Variants in RABGAP1L observed in about 807,000 individuals in gnomAD.
RABGAP1L encodes rab GTPase-activating protein 1-like.
RABGAP1L carries 63 observed loss-of-function variants against 137.7 expected under a neutral mutation model. That is an observed-to-expected ratio of 0.46 (90% CI 0.37 to 0.56). The LOEUF is 0.56. Among genes scored for constraint, RABGAP1L ranks in the 20% least tolerant of loss-of-function variants. RABGAP1L has a pLI of 0.00. For synonymous variants in RABGAP1L, 431 were observed against 433.7 expected (o/e 0.99, Z 0.08); for missense variants, 1,095 against 1,244.0 (o/e 0.88, Z 1.80).
chr1:174,959,512 GTACT>G (rs1409727687), intron 20 of RABGAP1L, among the ~76,000 whole-genome samples: 1 of 152,148 alleles, frequency 6.6e-6, no homozygotes, highest in African/African-American at 2.4e-5. Flanking sequence ...TATTTTTAAA[GTACT>G]TATAACATGT....
intron 13 of RABGAP1L, among the ~76,000 whole-genome samples, chr1:174,525,574 T>C (rs1663804883): frequency 6.6e-6 from 1 of 152,190 alleles, no homozygotes; most frequent in South Asian, 2.1e-4. Flanking sequence ...CATAAGATCA[T>C]GTCATCTGCA....
At chr1:174,431,096 A>G (rs899529533) in intron 13 of RABGAP1L, among the ~76,000 whole-genome samples, 1 of 152,158 alleles carries the variant, frequency 6.6e-6, no homozygotes, top group East Asian at 1.9e-4. Context: ...AATGTGAACC[A>G]ACACTTCTTA....
chr1:174,684,124 T>A (rs1285004431), intron 15 of RABGAP1L, among the ~76,000 whole-genome samples: 1 of 152,232 alleles, frequency 6.6e-6, no homozygotes, highest in Admixed American at 6.5e-5. Context: ...CATGAACTTA[T>A]AATTTTTGTT....
At chr1:174,332,667 A>G (rs1471642491) in intron 11 of RABGAP1L, among the ~76,000 whole-genome samples, 2 of 152,148 alleles carry the variant, frequency 1.3e-5, no homozygotes, top group African/African-American at 2.4e-5. Context: ...AAGTGTTGGG[A>G]TTACAGGCAT....
chr1:174,205,065 G>A (rs1445540612), intron 1 of RABGAP1L, among the ~76,000 whole-genome samples: 1 of 152,130 alleles, frequency 6.6e-6, no homozygotes, highest in Non-Finnish European at 1.5e-5. Context: ...TAATCACGTG[G>A]TTTTTGTCTT....
At chr1:174,687,224 A>G (rs1275270079) in intron 15 of RABGAP1L, among the ~76,000 whole-genome samples, 1 of 152,130 alleles carries the variant, frequency 6.6e-6, no homozygotes, top group Non-Finnish European at 1.5e-5. Context: ...GTACTCTACT[A>G]TTATAAGGGC....
chr1:174,450,233 A>AAAAT (rs1655276820), intron 13 of RABGAP1L, among the ~76,000 whole-genome samples: 1 of 152,138 alleles, frequency 6.6e-6, no homozygotes, highest in Non-Finnish European at 1.5e-5. Context: ...GCCCTTTTTA[A>AAAAT]AAATAAATAA....
chr1:174,546,328 C>T (rs965270709), intron 13 of RABGAP1L, among the ~76,000 whole-genome samples: 6 of 152,170 alleles, frequency 3.9e-5, no homozygotes, highest in Admixed American at 2.0e-4. Context: ...TTTTAAAGTA[C>T]AGGTTGATAG....
rs1046831560 is a variant in RABGAP1L, at chr1:174,241,060, C to T, written c.543-423C>T. On this transcript the variant is annotated intron_variant, in intron 4 of 25. Transcript: ENST00000681986. The stretch of plus-strand genomic sequence containing the variant: ...GTTTGGCCAGATGCGGGGGCTCACG[C>T]CTGTAATCCTAGCACTTTGGGAGGC... Among the ~76,000 whole-genome samples, 65 of 152,200 alleles carry T rather than the reference C, an allele frequency of 4.3e-4. 1 individual carries two copies. The highest frequency in any genetic ancestry group is 1.1e-3 in the Admixed American group (17 of 15,260).
chr1:174,624,865 T>C (rs1158531826), intron 13 of RABGAP1L, among the ~76,000 whole-genome samples: 1 of 149,542 alleles, frequency 6.7e-6, no homozygotes, highest in Non-Finnish European at 1.5e-5. Flanking sequence ...ACTATCTCTT[T>C]ATCTTGCCTT....
At chr1:174,742,523 A>T (rs1008343672) in intron 17 of RABGAP1L, among the ~76,000 whole-genome samples, 1 of 152,204 alleles carries the variant, frequency 6.6e-6, no homozygotes, top group African/African-American at 2.4e-5. Context: ...TTTCAAAGAA[A>T]AAGGAAGAAA....
intron 19 of RABGAP1L, among the ~76,000 whole-genome samples, chr1:174,886,508 G>A (rs1303099159): frequency 1.3e-5 from 2 of 152,174 alleles, no homozygotes; most frequent in East Asian, 1.9e-4. Flanking sequence ...CCTCTTATCC[G>A]ACACAGTCAG....
chr1:174,646,831 T>A (rs978805915), intron 14 of RABGAP1L, among the ~76,000 whole-genome samples: 16 of 152,202 alleles, frequency 1.1e-4, no homozygotes, highest in African/African-American at 3.9e-4. Flanking sequence ...TATTAATTCT[T>A]TCTATCCATG....
At chr1:174,934,973 T>C (rs923415189) in intron 19 of RABGAP1L, 1 of 152,218 alleles carries the variant, frequency 6.6e-6, no homozygotes, top group African/African-American at 2.4e-5. Context: ...ACAAAATACT[T>C]TATTTACAGT....
At chr1:174,261,270 C>G (rs1673558054) in intron 7 of RABGAP1L, among the ~76,000 whole-genome samples, 1 of 152,112 alleles carries the variant, frequency 6.6e-6, no homozygotes, top group Non-Finnish European at 1.5e-5. Context: ...ACTTCTATCT[C>G]ACATTGATTT....
chr1:174,459,799 C>A (rs1656465293), intron 13 of RABGAP1L, among the ~76,000 whole-genome samples: 2 of 151,980 alleles, frequency 1.3e-5, no homozygotes, highest in South Asian at 4.1e-4. Flanking sequence ...TGTTTAAAGT[C>A]ACTGAGATAG....
Position 174,590,573 on chromosome 1 carries a change from T to A in RABGAP1L, c.1711-46802T>A, listed in dbSNP as rs1378507747. Among the ~76,000 whole-genome samples the A allele has an allele frequency of 1.4e-3, 124 of 90,234 alleles. 1 individual carries two copies. The highest frequency in any genetic ancestry group is 5.3e-3 in the African/African-American group (116 of 21,842). The allele number at this position is 90,234 out of a possible 152,430, so 59.2% of individuals were successfully genotyped here. ...TGTCCAAGTGATCTCATTGTTCAAT[T>A]CCCACCTATGAGTGAGAATATGCGG... On this transcript the variant is annotated intron_variant, in intron 13 of 25. Coordinates refer to ENST00000681986, the MANE Select transcript of RABGAP1L (RefSeq NM_001366446.1).
intron 13 of RABGAP1L, among the ~76,000 whole-genome samples, chr1:174,394,566 G>A (rs1240226228): frequency 3.3e-5 from 5 of 151,992 alleles, no homozygotes; most frequent in Admixed American, 6.6e-5. Flanking sequence ...TTTAAATAAT[G>A]TAGATACTTG....
chr1:174,504,979 G>A (rs1021007070), intron 13 of RABGAP1L, among the ~76,000 whole-genome samples: 2 of 152,052 alleles, frequency 1.3e-5, no homozygotes, highest in African/African-American at 4.8e-5. Flanking sequence ...CTGATAAGGG[G>A]TTAATATCCA....
Sources: gnomAD v4.1 joint callset for allele counts (sites outside exome capture counted in the v4.1 genomes callset) on GRCh38, gnomAD v4.1.1 for gene constraint, MANE v1.5 for transcripts, NCBI Gene and HGNC (gene_info 2026-07-23, HGNC 2026-07-21) for gene names.